MET: variants seen among roughly 807,000 people sequenced by gnomAD.
The protein encoded by MET is MET proto-oncogene, receptor tyrosine kinase, also known as hepatocyte growth factor receptor.
A neutral mutation model predicts 133.1 loss-of-function variants in MET; 48 were observed. The observed-to-expected ratio is 0.36, with a 90% CI of 0.29 to 0.46. The LOEUF is 0.46. Ranked by LOEUF, MET falls within the 20% of genes least tolerant of loss-of-function variation. The pLI, the probability that MET is intolerant of heterozygous loss-of-function variation, is 1.00. For missense variants in MET, 1,442 were observed against 1,695.9 expected (o/e 0.85, Z 2.63); for synonymous variants, 628 against 616.5 (o/e 1.02, Z -0.28).
chr7:116,740,948 C>G lies in MET; in HGVS notation c.1624C>G (p.His542Asp), dbSNP rs2116836173. The change falls in exon 5 of 21, where the codon CAC (histidine) becomes GAC (aspartate). Residue 542 changes from histidine to aspartate, a missense_variant. Around this residue, in one of 6 missense-constraint regions of MET, gnomAD observed 762 missense variants for 792.4 expected, o/e 0.96. Transcript: ENST00000397752. The part of the protein sequence containing the change: ...APPFVQCGWC[H>D]DKCVRSEECL... ...ACCCTTTGTTCAGTGTGGCTGGTGCCACGACAAATGTGTGCGATCGGAGGA... is the reference window on the plus strand; with the variant it reads ...ACCCTTTGTTCAGTGTGGCTGGTGCGACGACAAATGTGTGCGATCGGAGGA... 6.2e-7 allele frequency: 1 copy of G among 1,614,138 alleles called. No homozygotes were observed. The highest frequency in any genetic ancestry group is 8.5e-7 in the Non-Finnish European group (1 of 1,180,030).
At chr7:116,717,544 C>T (rs1194128558) in intron 2 of MET, among the ~76,000 whole-genome samples, 1 of 152,130 alleles carries the variant, frequency 6.6e-6, no homozygotes, top group Non-Finnish European at 1.5e-5. Context: ...AAAACCATTA[C>T]CATATCTAGC....
chr7:116,770,029 C>T (rs1794782455), intron 12 of MET: 1 of 557,272 alleles, frequency 1.8e-6, no homozygotes, highest in Non-Finnish European at 3.2e-6. Flanking sequence ...CTCCATCACG[C>T]CACACTCTTC....
At position 116,699,079 on chromosome 7, in the gene MET, C is replaced by G; in HGVS notation, c.-6C>G. 1.2e-6 allele frequency: 2 copies of G among 1,613,810 alleles called. No homozygotes were observed. The highest frequency in any genetic ancestry group is 1.7e-6 in the Non-Finnish European group (2 of 1,179,812). On this transcript the variant is annotated 5_prime_UTR_variant, in exon 2 of 21. Transcript: ENST00000397752. The stretch of plus-strand genomic sequence containing the variant: ...TGAACCTGTTTTGGCAGATAAACCT[C>G]TCATAATGAAGGCCCCCGCTGTGCT...
intron 1 of MET, among the ~76,000 whole-genome samples, chr7:116,676,994 T>G (rs1796182392): frequency 6.6e-6 from 1 of 151,742 alleles, no homozygotes; most frequent in Non-Finnish European, 1.5e-5. Flanking sequence ...TTTTGTTTTT[T>G]TTTTTGTTTT....
chr7:116,772,066 GT>G, intron 14 of MET, 77 bp downstream of exon 14: 1 of 1,535,960 alleles, frequency 6.5e-7, no homozygotes, highest in South Asian at 1.1e-5. Context: ...TTTATTTTTG[GT>G]TTTGCATTTA....
At chr7:116,713,887 A>G (rs1158767214) in intron 2 of MET, among the ~76,000 whole-genome samples, 3 of 152,166 alleles carry the variant, frequency 2.0e-5, no homozygotes, top group Non-Finnish European at 2.9e-5. Flanking sequence ...ACATAAACAG[A>G]CCATGGCTCT....
chr7:116,770,340 C>A (rs756005576), intron 12 of MET, among the ~76,000 whole-genome samples: 11 of 152,122 alleles, frequency 7.2e-5, no homozygotes, highest in African/African-American at 9.7e-5. Context: ...ACATACCATG[C>A]AATTCACCCA....
intron 6 of MET, among the ~76,000 whole-genome samples, chr7:116,756,918 A>G (rs1478196236): frequency 1.3e-5 from 2 of 152,176 alleles, no homozygotes; most frequent in African/African-American, 2.4e-5. Flanking sequence ...TATAAGTGCT[A>G]TAGTACCATT....
chr7:116,673,124 T>C (rs989683659), intron 1 of MET, among the ~76,000 whole-genome samples: 5 of 152,154 alleles, frequency 3.3e-5, no homozygotes, highest in Non-Finnish European at 7.4e-5. Context: ...ATCTATCTTA[T>C]TAGGTGAAAT....
chr7:116,763,172 A>T lies in MET; in HGVS notation c.2487A>T (p.Lys829Asn), dbSNP rs1246094460. Reference sequence around the variant, plus strand: ...TCATGTTAGATGGGATCCTTTCCAAATACTTTGATCTCATTTATGTACATA... The same window carrying T: ...TCATGTTAGATGGGATCCTTTCCAATTACTTTGATCTCATTTATGTACATA... ...AFFMLDGILSKYFDLIYVHNP... is the reference protein window; with the variant it reads ...AFFMLDGILSNYFDLIYVHNP... Residue 829 changes from lysine (K) to asparagine (N), a missense_variant, in exon 11 of 21, where the codon AAA (lysine) becomes AAT (asparagine). Coordinates refer to ENST00000397752, the MANE Select transcript of MET (RefSeq NM_000245.4). 4 of 1,614,084 alleles carry T rather than the reference A, an allele frequency of 2.5e-6. No individual in the cohort carries two copies. In the Admixed American group the frequency reaches 6.7e-5, roughly 27 times the overall value.
intron 5 of MET, among the ~76,000 whole-genome samples, chr7:116,745,317 A>G (rs201463173): frequency 1.3e-5 from 2 of 152,160 alleles, no homozygotes; most frequent in Admixed American, 6.5e-5. Context: ...ATGCTCATGG[A>G]TAGGAAGAAT....
intron 1 of MET, among the ~76,000 whole-genome samples, chr7:116,690,168 A>G (rs1427287929): frequency 6.6e-6 from 1 of 152,164 alleles, no homozygotes; most frequent in Non-Finnish European, 1.5e-5. Flanking sequence ...TGGCCAAAAC[A>G]CAAGTTAGGA....
chr7:116,708,069 A>G (rs1192214422), intron 2 of MET, among the ~76,000 whole-genome samples: 1 of 152,170 alleles, frequency 6.6e-6, no homozygotes, highest in Non-Finnish European at 1.5e-5. Flanking sequence ...TACAATGGAG[A>G]ATGAGCTAGA....
chr7:116,700,560 A>G (rs1450709644), intron 2 of MET, among the ~76,000 whole-genome samples: 1 of 152,200 alleles, frequency 6.6e-6, no homozygotes, highest in Non-Finnish European at 1.5e-5. Flanking sequence ...TATTTCCCAT[A>G]TAAGCTTTTT....
intron 1 of MET, among the ~76,000 whole-genome samples, chr7:116,682,317 T>G (rs904872509): frequency 9.2e-5 from 14 of 152,232 alleles, no homozygotes; most frequent in Admixed American, 6.5e-5. Flanking sequence ...CAAGGTTCCT[T>G]CATAATCCCT....
chr7:116,741,010 G>C lies in MET; in HGVS notation c.1686G>C (p.Leu562=), dbSNP rs2116837926. ...GGACATGGACTCAACAGATCTGTCT[G>C]CCTGCAATCTACAAGGTAGGAATCT... The part of the protein sequence containing the change: ...LSGTWTQQIC[L]PAIYKVFPNS... The change falls in exon 5 of 21, where the codon CTG becomes CTC. Residue 562 remains leucine, a synonymous_variant. Coordinates refer to ENST00000397752, the MANE Select transcript of MET (RefSeq NM_000245.4). 3 of 1,613,538 alleles carry C rather than the reference G, an allele frequency of 1.9e-6. No homozygotes were observed. Among genetic ancestry groups the C allele is most frequent in the Non-Finnish European group, 2.5e-6 (3 of 1,179,906 alleles).
chr7:116,717,150 T>G (rs1211040959), intron 2 of MET, among the ~76,000 whole-genome samples: 2 of 152,204 alleles, frequency 1.3e-5, no homozygotes, highest in Non-Finnish European at 2.9e-5. Context: ...TTCTTAGGGT[T>G]TGACCACAGC....
At chr7:116,714,813 T>G (rs540019272) in intron 2 of MET, among the ~76,000 whole-genome samples, 9 of 151,608 alleles carry the variant, frequency 5.9e-5, no homozygotes, top group African/African-American at 2.2e-4. Context: ...AAGACTAGCA[T>G]ATATTCTATC....
chr7:116,727,655 GA>G (rs1792848038), intron 2 of MET, among the ~76,000 whole-genome samples: 1 of 152,190 alleles, frequency 6.6e-6, no homozygotes, highest in Admixed American at 6.5e-5. Flanking sequence ...CCTAAGACAC[GA>G]TAACTCCTGG....
Sources: gnomAD v4.1 joint callset for allele counts (sites outside exome capture counted in the v4.1 genomes callset) on GRCh38, gnomAD v4.1.1 for gene constraint, gnomAD v4.1.1 regional missense constraint, MANE v1.5 for transcripts, NCBI Gene and HGNC (gene_info 2026-07-23, HGNC 2026-07-21) for gene names.